The following DEFB129 variants were observed in gnomAD, a reference collection of about 807,000 sequenced individuals.
The protein encoded by DEFB129 is beta-defensin 129.
Under a neutral mutation model 2.5 loss-of-function variants are expected in DEFB129, and 2 were observed. The ratio of observed to expected loss-of-function variants is 0.80; its 90% CI spans 0.33 to 2.53. DEFB129 has a LOEUF of 2.53. Ranked by LOEUF, DEFB129 falls within the 30% of genes most tolerant of loss-of-function variation. The pLI, the probability that DEFB129 is intolerant of heterozygous loss-of-function variation, is 0.11. For synonymous variants in DEFB129, 76 were observed against 74.4 expected (o/e 1.02, Z -0.11); for missense variants, 177 against 216.9 (o/e 0.82, Z 1.16).
At position 229,524 on chromosome 20, in the gene DEFB129, T is replaced by TC. The variant is rs1568480538; in HGVS notation, c.310dup (p.Gln104ProfsTer6). The TC allele has an allele frequency of 3.1e-6, 5 of 1,614,134 alleles. No homozygotes were observed. In the African/African-American group the frequency reaches 6.7e-5, roughly 22 times the overall value. On this transcript the variant is annotated frameshift_variant, in exon 2 of 2. Transcript: ENST00000246105. LOFTEE classifies it low-confidence loss of function (END_TRUNC). The stretch of plus-strand genomic sequence containing the variant: ...CAAAGAAAACATATTTTATCTGTTC[T>TC]CCCCCAAATCAAAAGCACTAGCTTT...
At chr20:228,918 C>T (rs2011308884) in intron 1 of DEFB129, among the ~76,000 whole-genome samples, 1 of 152,170 alleles carries the variant, frequency 6.6e-6, no homozygotes, top group Admixed American at 6.5e-5. Flanking sequence ...GGACTTGGCT[C>T]TCATTGGTAT....
Position 229,626 on chromosome 20 carries a change from G to C in DEFB129, c.407G>C (p.Gly136Ala). 1 of 1,614,038 alleles carries C rather than the reference G, an allele frequency of 6.2e-7. No individual in the cohort carries two copies. Among genetic ancestry groups the C allele is most frequent in the South Asian group, 1.1e-5 (1 of 91,062 alleles). The change falls in exon 2 of 2, where the codon GGA becomes GCA. Residue 136 changes from glycine to alanine, a missense_variant. Transcript: ENST00000246105. ...GCCACCATCAGCACTATGACCCCAGGACAGATCACATACACTGCTACTTCT... is the reference window on the plus strand; with the variant it reads ...GCCACCATCAGCACTATGACCCCAGCACAGATCACATACACTGCTACTTCT... ...NSATISTMTP[G>A]QITYTATSTK...
rs746074410 is a variant in DEFB129, at chr20:229,442, C to T, written c.223C>T (p.Leu75Phe). 1 of 1,614,140 alleles carries T rather than the reference C, an allele frequency of 6.2e-7. No individual in the cohort carries two copies. The highest frequency in any genetic ancestry group is 1.1e-5 in the South Asian group (1 of 91,080). ...CCTGCAATATGGAACACCAAATGTA[C>T]TTAATGAAGACGTCCAAGAAATGCT... is the stretch of plus-strand genomic sequence containing the variant. ...NYLQYGTPNV[L>F]NEDVQEMLKP... is the part of the protein sequence containing the mutation. Residue 75 changes from leucine to phenylalanine, a missense_variant, in exon 2 of 2, where the codon CTT (leucine) becomes TTT (phenylalanine). By Grantham distance (22) the Leu-to-Phe change is conservative. Transcript: ENST00000246105.
chr20:227,447 C>A, intron 1 of DEFB129, 101 bp downstream of exon 1: 2 of 1,396,020 alleles, frequency 1.4e-6, no homozygotes, highest in Non-Finnish European at 2.0e-6. Context: ...GAAAGATTAG[C>A]TGTTCAAAAA....
rs866335657 is a variant in DEFB129, at chr20:229,353, T to TA, written c.135dup (p.Gln46ThrfsTer16). 6.2e-7 allele frequency: 1 copy of TA among 1,614,070 alleles called. No homozygotes were observed. The highest frequency in any genetic ancestry group is 1.3e-5 in the African/African-American group (1 of 75,008). Reference sequence around the variant, plus strand: ...CACTGCAATGTGGATGAAAAAGAGATACAGAAATGCAAGATGAAAAAATGT... The same window carrying TA: ...CACTGCAATGTGGATGAAAAAGAGATAACAGAAATGCAAGATGAAAAAATGT... On this transcript the variant is annotated frameshift_variant, in exon 2 of 2. Coordinates refer to ENST00000246105, the MANE Select transcript of DEFB129 (RefSeq NM_080831.4). LOFTEE classifies it low-confidence loss of function (END_TRUNC).
intron 1 of DEFB129, among the ~76,000 whole-genome samples, chr20:228,442 C>T (rs1174487929): frequency 6.6e-6 from 1 of 152,074 alleles, no homozygotes; most frequent in Non-Finnish European, 1.5e-5. Flanking sequence ...TTCTGTTTCC[C>T]GTTTGATGAG....
intron 1 of DEFB129, among the ~76,000 whole-genome samples, chr20:227,932 G>A (rs1319292601): frequency 6.6e-6 from 1 of 152,086 alleles, no homozygotes; most frequent in Non-Finnish European, 1.5e-5. Context: ...TGTGCTTGGT[G>A]TAGAAAGGAG....
chr20:228,620 CAGATAA>C (rs1448307464), intron 1 of DEFB129, among the ~76,000 whole-genome samples: 4 of 152,142 alleles, frequency 2.6e-5, no homozygotes, highest in Admixed American at 1.3e-4. Context: ...AGTCATTCAG[CAGATAA>C]AGATAAGGTA....
chr20:228,267 G>A (rs1291516983), intron 1 of DEFB129, among the ~76,000 whole-genome samples: 1 of 142,266 alleles, frequency 7.0e-6, no homozygotes, highest in African/African-American at 2.9e-5. Context: ...TGCTTCTAAT[G>A]TTTTTATCTT....
At position 229,418 on chromosome 20, in the gene DEFB129, C is replaced by T. The variant is rs2011314772; in HGVS notation, c.199C>T (p.Leu67=). 1.9e-6 allele frequency: 3 copies of T among 1,614,096 alleles called. No individual in the cohort carries two copies. The highest frequency in any genetic ancestry group is 1.7e-6 in the Non-Finnish European group (2 of 1,180,018). The change falls in exon 2 of 2, where the codon CTG becomes TTG. Residue 67 remains leucine (L), a synonymous_variant. Transcript: ENST00000246105. Reference sequence around the variant, plus strand: ...AGTGGTTAAATTGATTAAAAACTACCTGCAATATGGAACACCAAATGTACT... The same window carrying T: ...AGTGGTTAAATTGATTAAAAACTACTTGCAATATGGAACACCAAATGTACT... ...PKVVKLIKNY[L]QYGTPNVLNE... is the part of the protein sequence containing the mutation.
rs753558073 is a variant in DEFB129 at position 229,688 on chromosome 20, A to ACT, written c.470_471dup (p.Ala158LeufsTer21). 3.7e-6 allele frequency: 6 copies of ACT among 1,613,920 alleles called. No homozygotes were observed. The African/African-American group carries it at 6.7e-5, about 18-fold the overall frequency. ...CACCAAAGAAAGCAGAGATTCTGCC[A>ACT]CTGCCTCGCCACCACCAGCACCACC... On this transcript the variant is annotated frameshift_variant, in exon 2 of 2. Coordinates refer to ENST00000246105, the MANE Select transcript of DEFB129 (RefSeq NM_080831.4). LOFTEE classifies it low-confidence loss of function (END_TRUNC).
rs1302908466 is a variant in DEFB129 at position 229,485 on chromosome 20, C to T, written c.266C>T (p.Ser89Phe). The T allele has an allele frequency of 1.2e-6, 2 of 1,614,144 alleles. No individual in the cohort carries two copies. The highest frequency in any genetic ancestry group is 1.7e-6 in the Non-Finnish European group (2 of 1,180,016). ...GAAATGCTAAAACCTGCCAAGAATT[C>T]TAGTGCTGTGATACAAAGAAAACAT... ...VQEMLKPAKN[S>F]SAVIQRKHIL... Residue 89 changes from serine to phenylalanine, a missense_variant, in exon 2 of 2, where the codon TCT becomes TTT. Physicochemically the swap from Ser to Phe is radical, Grantham distance 155. Transcript: ENST00000246105.
At chr20:228,129 G>T (rs981776838) in intron 1 of DEFB129, among the ~76,000 whole-genome samples, 1 of 152,186 alleles carries the variant, frequency 6.6e-6, no homozygotes, top group Non-Finnish European at 1.5e-5. Context: ...GCTAAGCCAG[G>T]GGATTAACCA....
chr20:229,730 C>G lies in DEFB129; in HGVS notation c.511C>G (p.Pro171Ala). The G allele has an allele frequency of 1.2e-6, 2 of 1,612,940 alleles. No homozygotes were observed. Among genetic ancestry groups the G allele is most frequent in the African/African-American group, 2.7e-5 (2 of 75,044 alleles). ...PPAPPPPNIL[P>A]TPSLELEEAE... is the part of the protein sequence containing the mutation. The stretch of plus-strand genomic sequence containing the variant: ...AGCACCACCTCCACCAAACATACTG[C>G]CAACACCATCACTGGAGCTAGAGGA... Residue 171 changes from proline (P) to alanine (A), a missense_variant, in exon 2 of 2, where the codon CCA becomes GCA. Transcript: ENST00000246105.
chr20:229,263 T>C lies in DEFB129; in HGVS notation c.59-15T>C. ...TATTAACCTTGGCTCAATGGCTTTC[T>C]CTTTTTTTATACAGAATTTATTGGC... On this transcript the variant is annotated splice_polypyrimidine_tract_variant and intron_variant, in intron 1 of 1. Coordinates refer to ENST00000246105, the MANE Select transcript of DEFB129 (RefSeq NM_080831.4). 6.5e-7 allele frequency: 1 copy of C among 1,547,116 alleles called. No homozygotes were observed. Among genetic ancestry groups the C allele is most frequent in the Non-Finnish European group, 8.7e-7 (1 of 1,155,886 alleles).
Position 229,850 on chromosome 20 carries a change from C to A in DEFB129, c.*79C>A. 1 of 1,499,904 alleles carries A rather than the reference C, an allele frequency of 6.7e-7. No homozygotes were observed. Among genetic ancestry groups the A allele is most frequent in the Non-Finnish European group, 8.8e-7 (1 of 1,130,382 alleles). The allele number at this position is 1,499,904 out of a possible 1,614,324, so 92.9% of individuals were successfully genotyped here. A position where few individuals can be genotyped will look rare whatever the true frequency, so the allele number is the denominator to read the frequency against. On this transcript the variant is annotated 3_prime_UTR_variant, in exon 2 of 2. Transcript: ENST00000246105. ...AATGACATAGAACTGTTTCCTCTGTCATCAGTCATTCAATAAACACTGTTT... is the reference window on the plus strand; with the variant it reads ...AATGACATAGAACTGTTTCCTCTGTAATCAGTCATTCAATAAACACTGTTT...
At chr20:228,871 T>C (rs781589894) in intron 1 of DEFB129, among the ~76,000 whole-genome samples, 1 of 152,194 alleles carries the variant, frequency 6.6e-6, no homozygotes, top group South Asian at 2.1e-4. Flanking sequence ...TTCTATTGAT[T>C]CTCTTTTGAA....
At chr20:229,212 C>A in intron 1 of DEFB129, 66 bp from the exon 2 acceptor site, 1 of 1,517,556 alleles carries the variant, frequency 6.6e-7, no homozygotes. Context: ...CCATCTCCCA[C>A]TAGCAGTTTT....
At chr20:228,855 T>G (rs1003219887) in intron 1 of DEFB129, among the ~76,000 whole-genome samples, 2 of 152,180 alleles carry the variant, frequency 1.3e-5, no homozygotes, top group African/African-American at 4.8e-5. Context: ...ATAAGACTCC[T>G]GAAAATTCTA....
Sources: gnomAD v4.1 joint callset for allele counts (sites outside exome capture counted in the v4.1 genomes callset) on GRCh38, gnomAD v4.1.1 for gene constraint, MANE v1.5 for transcripts, NCBI Gene and HGNC (gene_info 2026-07-23, HGNC 2026-07-21) for gene names.